VPS41: variants seen among roughly 807,000 people sequenced by gnomAD.
VPS41 encodes VPS41 subunit of HOPS complex, also known as vacuolar protein sorting-associated protein 41 homolog.
Under a neutral mutation model 130.9 loss-of-function variants are expected in VPS41, and 85 were observed. That is an observed-to-expected ratio of 0.65 (90% CI 0.55 to 0.78). The LOEUF (loss-of-function observed/expected upper bound fraction) is 0.78, where lower values mean the gene tolerates loss of function less well. Among genes scored for constraint, VPS41 ranks in the 30% least tolerant of loss-of-function variants. VPS41 has a pLI of 0.00. For missense variants in VPS41, 874 were observed against 1,018.7 expected (o/e 0.86, Z 1.93); for synonymous variants, 335 against 332.9 (o/e 1.01, Z -0.07).
At chr7:38,840,147 G>A (rs892038134) in intron 4 of VPS41, among the ~76,000 whole-genome samples, 17 of 152,314 alleles carry the variant, frequency 1.1e-4, no homozygotes, top group African/African-American at 3.8e-4. Flanking sequence ...ACTGCTTTGT[G>A]ACAACTGACG....
chr7:38,855,458 C>A (rs1199894305), intron 4 of VPS41, among the ~76,000 whole-genome samples: 1 of 152,112 alleles, frequency 6.6e-6, no homozygotes, highest in African/African-American at 2.4e-5. Context: ...AAGAAAGCAA[C>A]AAAAGGTCAG....
At chr7:38,817,453 A>T (rs1202950067) in intron 7 of VPS41, among the ~76,000 whole-genome samples, 3 of 152,090 alleles carry the variant, frequency 2.0e-5, no homozygotes, top group Non-Finnish European at 4.4e-5. Flanking sequence ...CCCCAACTCT[A>T]CTAAAAATAC....
chr7:38,895,855 T>C (rs2116431539), intron 2 of VPS41, among the ~76,000 whole-genome samples: 1 of 152,344 alleles, frequency 6.6e-6, no homozygotes, highest in Middle Eastern at 3.4e-3. Flanking sequence ...ACATCTGTTC[T>C]CAGATCTCCC....
intron 4 of VPS41, among the ~76,000 whole-genome samples, chr7:38,846,397 T>G (rs976586885): frequency 1.3e-5 from 2 of 152,010 alleles, no homozygotes; most frequent in Non-Finnish European, 2.9e-5. Flanking sequence ...CTCTTCTGCA[T>G]GAGTCATCAA....
chr7:38,812,829 T>C (rs1286315001), intron 7 of VPS41, among the ~76,000 whole-genome samples: 1 of 152,008 alleles, frequency 6.6e-6, no homozygotes, highest in Non-Finnish European at 1.5e-5. Context: ...AAAACCACAA[T>C]GAGATATCAC....
intron 4 of VPS41, among the ~76,000 whole-genome samples, chr7:38,853,930 T>C (rs1029432744): frequency 1.3e-5 from 2 of 152,236 alleles, no homozygotes; most frequent in Non-Finnish European, 2.9e-5. Flanking sequence ...TCCTTAATTC[T>C]GACCATGTTT....
chr7:38,860,046 C>T (rs1562613501), intron 4 of VPS41, among the ~76,000 whole-genome samples: 1 of 152,122 alleles, frequency 6.6e-6, no homozygotes, highest in Non-Finnish European at 1.5e-5. Context: ...CATTCTTCAG[C>T]AACAAAAGAT....
chr7:38,777,371 T>TAA (rs11462383), intron 10 of VPS41, among the ~76,000 whole-genome samples: 70 of 151,326 alleles, frequency 4.6e-4, no homozygotes, highest in Admixed American at 6.6e-4. Flanking sequence ...CTCTTTCCTT[T>TAA]AAAAAAAAAT....
At chr7:38,842,760 G>C (rs1471758927) in intron 4 of VPS41, among the ~76,000 whole-genome samples, 1 of 152,212 alleles carries the variant, frequency 6.6e-6, no homozygotes, top group East Asian at 1.9e-4. Context: ...TTCAATGCAA[G>C]CATCACCTCC....
chr7:38,887,331 T>C (rs1786756082), intron 2 of VPS41, among the ~76,000 whole-genome samples: 1 of 152,098 alleles, frequency 6.6e-6, no homozygotes, highest in African/African-American at 2.4e-5. Flanking sequence ...GAGAAGAGCT[T>C]AAATGACCTA....
At chr7:38,889,840 T>C (rs1020745692) in intron 2 of VPS41, among the ~76,000 whole-genome samples, 1 of 152,160 alleles carries the variant, frequency 6.6e-6, no homozygotes, top group African/African-American at 2.4e-5. Context: ...CATTTGATAG[T>C]TGAAGCCAAA....
At chr7:38,906,329 T>TG (rs886724676) in intron 1 of VPS41, among the ~76,000 whole-genome samples, 2 of 137,516 alleles carry the variant, frequency 1.5e-5, no homozygotes, top group Non-Finnish European at 3.5e-5. Flanking sequence ...AACAGACTGC[T>TG]GGGTTTTTTT....
chr7:38,727,185 G>A (rs992620683), intron 27 of VPS41, 197 bp from the exon 28 acceptor site: 2 of 408,892 alleles, frequency 4.9e-6, no homozygotes, highest in Non-Finnish European at 4.3e-6. Context: ...GTTGCTATGC[G>A]ATTCACAGGT....
rs752105782 is a variant in VPS41, at chr7:38,742,017, A to C, written c.2227T>G (p.Leu743Val). 1.2e-6 allele frequency: 2 copies of C among 1,613,178 alleles called. No individual in the cohort carries two copies. Among genetic ancestry groups the C allele is most frequent in the African/African-American group, 2.7e-5 (2 of 74,910 alleles). The change falls in exon 25 of 29, where the codon TTG (leucine) becomes GTG (valine). Residue 743 changes from leucine to valine, a missense_variant. By Grantham distance (32) the Leu-to-Val change is conservative. Coordinates refer to ENST00000310301, the MANE Select transcript of VPS41 (RefSeq NM_014396.4). ...TTGTAGTCTTGCAGAATTTTAACCA[A>C]GGAATCTCTCAAATTGGGGATCTCC... ...GMEIPNLRDS[L>V]VKILQDYNLQ...
At chr7:38,733,822 T>C (rs1451427289) in intron 25 of VPS41, among the ~76,000 whole-genome samples, 2 of 152,218 alleles carry the variant, frequency 1.3e-5, no homozygotes, top group African/African-American at 2.4e-5. Context: ...CTCACACTTA[T>C]AATCCCAGCA....
chr7:38,841,454 C>T (rs1785606188), intron 4 of VPS41, among the ~76,000 whole-genome samples: 1 of 152,178 alleles, frequency 6.6e-6, no homozygotes, highest in Non-Finnish European at 1.5e-5. Flanking sequence ...ATGACACCAC[C>T]AAAATGGCTG....
At position 38,756,982 on chromosome 7, in the gene VPS41, C is replaced by T; in HGVS notation, c.1551G>A (p.Leu517=). The change falls in exon 19 of 29, where the codon TTG becomes TTA. Residue 517 remains leucine (L), a splice_region_variant and synonymous_variant. Coordinates refer to ENST00000310301, the MANE Select transcript of VPS41 (RefSeq NM_014396.4). ...TGCCATAGTTCTTGTCATAGGTGTA[C>T]CTGGTAATACAAATTTTTTACATTA... is the stretch of plus-strand genomic sequence containing the variant. ...NKTLLKTLAE[L]YTYDKNYGNA... 1 of 1,583,524 alleles carries T rather than the reference C, an allele frequency of 6.3e-7. No homozygotes were observed. Among genetic ancestry groups the T allele is most frequent in the Non-Finnish European group, 8.6e-7 (1 of 1,156,490 alleles).
Position 38,795,501 on chromosome 7 carries a change from A to G in VPS41, c.681T>C (p.Asn227=), listed in dbSNP as rs373621950. The part of the protein sequence containing the change: ...MYPCSLCWKD[N]VTLIIGWGTS... The stretch of plus-strand genomic sequence containing the variant: ...TCCCCCAGCCAATAATCAGTGTCAC[A>G]TTGTCCTTCCAGCAGAGGCTGCAGG... Residue 227 remains asparagine (N), a synonymous_variant, in exon 9 of 29, where the codon AAT becomes AAC. Transcript: ENST00000310301. 6.8e-6 allele frequency: 11 copies of G among 1,613,334 alleles called. No individual in the cohort carries two copies. Among genetic ancestry groups the G allele is most frequent in the Non-Finnish European group, 9.3e-6 (11 of 1,179,630 alleles).
At position 38,796,979 on chromosome 7, in the gene VPS41, C is replaced by T. The variant is rs570839106; in HGVS notation, c.451-115G>A. On this transcript the variant is annotated intron_variant, in intron 7 of 28. Coordinates refer to ENST00000310301, the MANE Select transcript of VPS41 (RefSeq NM_014396.4). ...CAAATAACAAACAAGTCACTCTCGA[C>T]GTCTTTAATGTAGACTTACAGTAGT... The T allele has an allele frequency of 1.3e-5, 16 of 1,202,192 alleles. 1 individual carries two copies. The highest frequency in any genetic ancestry group is 9.4e-5 in the South Asian group (7 of 74,232). 74.5% of individuals were successfully genotyped at this position (1,202,192 alleles called of 1,614,324 possible).
Sources: gnomAD v4.1 joint callset for allele counts (sites outside exome capture counted in the v4.1 genomes callset) on GRCh38, gnomAD v4.1.1 for gene constraint, MANE v1.5 for transcripts, NCBI Gene and HGNC (gene_info 2026-07-23, HGNC 2026-07-21) for gene names.